The following PRKG1 variants were observed in gnomAD, a reference collection of about 807,000 sequenced individuals.
PRKG1 encodes cGMP-dependent protein kinase 1.
PRKG1 carries 35 observed loss-of-function variants against 88.1 expected under a neutral mutation model. The ratio of observed to expected loss-of-function variants is 0.40; its 90% CI spans 0.30 to 0.53. The LOEUF is 0.53. Ranked by LOEUF, PRKG1 falls within the 20% of genes least tolerant of loss-of-function variation. The pLI, the probability that PRKG1 is intolerant of heterozygous loss-of-function variation, is 0.59. For synonymous variants in PRKG1, 303 were observed against 292.5 expected, an observed-to-expected ratio of 1.04 and a Z score of -0.37; for missense variants, 540 against 839.8, an observed-to-expected ratio of 0.64 and a Z score of 4.41.
intron 2 of PRKG1, among the ~76,000 whole-genome samples, chr10:51,258,691 G>T (rs1175013014): frequency 6.6e-6 from 1 of 152,274 alleles, no homozygotes; most frequent in Non-Finnish European, 1.5e-5. Context: ...ATTTTGTTTG[G>T]TCATCAGAGC....
At position 51,370,495 on chromosome 10, in the gene PRKG1, A is replaced by AGT. The variant is rs1301923110; in HGVS notation, c.479-97213_479-97212dup. ...GAGAAAGAGACAGAAAGAGAGAGAG[A>AGT]GTGTGTGTGTGTGTGTATGTGTGTG... On this transcript the variant is annotated intron_variant, in intron 2 of 17. Transcript: ENST00000373980. 6.5e-3 allele frequency among the ~76,000 whole-genome samples: 831 copies of AGT among 128,668 alleles called. 7 individuals carry two copies. The highest frequency in any genetic ancestry group is 0.021 in the African/African-American group (744 of 34,616). 84.4% of individuals were successfully genotyped at this position (128,668 alleles called of 152,430 possible).
At chr10:51,288,755 CT>C (rs1840507660) in intron 2 of PRKG1, among the ~76,000 whole-genome samples, 1 of 152,202 alleles carries the variant, frequency 6.6e-6, no homozygotes, top group African/African-American at 2.4e-5. Context: ...AGCAGCAGTA[CT>C]TTCTGAAAGA....
chr10:51,587,211 C>T lies in PRKG1; in HGVS notation c.592+119375C>T, dbSNP rs552598010. 2.4e-3 allele frequency among the ~76,000 whole-genome samples: 363 copies of T among 152,150 alleles called. 3 individuals are homozygous for T. The highest frequency in any genetic ancestry group is 8.5e-3 in the African/African-American group (353 of 41,538). ...CACTTCTAAATACTCATAGAGAGAC[C>T]ATCTTTCTTTCCAGAGAAAATAACA... On this transcript the variant is annotated intron_variant, in intron 3 of 17. Coordinates refer to ENST00000373980, the MANE Select transcript of PRKG1 (RefSeq NM_006258.4).
At chr10:51,154,131 G>A (rs1332362084) in intron 2 of PRKG1, among the ~76,000 whole-genome samples, 2 of 152,012 alleles carry the variant, frequency 1.3e-5, no homozygotes, top group Non-Finnish European at 2.9e-5. Flanking sequence ...TTGTGTGATA[G>A]TGTCCTATAA....
intron 3 of PRKG1, among the ~76,000 whole-genome samples, chr10:51,711,293 G>A (rs1841743754): frequency 6.6e-6 from 1 of 151,758 alleles, no homozygotes; most frequent in Non-Finnish European, 1.5e-5. Context: ...TTTTAATAGA[G>A]ACAGGGTTCA....
intron 1 of PRKG1, among the ~76,000 whole-genome samples, chr10:51,147,028 T>C (rs1845961468): frequency 1.3e-5 from 2 of 152,118 alleles, no homozygotes; most frequent in South Asian, 4.1e-4. Flanking sequence ...TTGTGTTAAG[T>C]GAAATCGGTC....
intron 5 of PRKG1, among the ~76,000 whole-genome samples, chr10:52,027,042 G>T (rs1464848243): frequency 6.6e-6 from 1 of 152,188 alleles, no homozygotes; most frequent in African/African-American, 2.4e-5. Flanking sequence ...AAATTGTTTT[G>T]TGACTGTGTC....
intron 1 of PRKG1, among the ~76,000 whole-genome samples, chr10:51,133,043 A>G (rs1306546328): frequency 2.6e-5 from 4 of 152,116 alleles, no homozygotes; most frequent in African/African-American, 9.7e-5. Context: ...TGAGCCTTAC[A>G]ATGAAATCTG....
At chr10:51,933,516 C>CT (rs1185590488) in intron 5 of PRKG1, among the ~76,000 whole-genome samples, 1 of 152,062 alleles carries the variant, frequency 6.6e-6, no homozygotes, top group Non-Finnish European at 1.5e-5. Context: ...ATCAATTCAA[C>CT]TACACCAAGG....
At chr10:51,575,933 G>C (rs1172371140) in intron 3 of PRKG1, among the ~76,000 whole-genome samples, 1 of 151,724 alleles carries the variant, frequency 6.6e-6, no homozygotes, top group Non-Finnish European at 1.5e-5. Flanking sequence ...TTTAAAGATA[G>C]ATTATATACA....
chr10:51,545,607 C>T (rs777441145), intron 3 of PRKG1, among the ~76,000 whole-genome samples: 6 of 152,146 alleles, frequency 3.9e-5, no homozygotes, highest in South Asian at 4.2e-4. Flanking sequence ...TCGTTTGAAT[C>T]CTTTTATTAT....
rs748846035 is a variant in PRKG1 at position 51,698,645 on chromosome 10, C to G, written c.593-105940C>G. The G allele has an allele frequency of 5.6e-6, 9 of 1,614,124 alleles. No homozygotes were observed. In the East Asian group the frequency reaches 2.0e-4, roughly 36 times the overall value. On this transcript the variant is annotated intron_variant, in intron 3 of 17. Coordinates refer to ENST00000373980, the MANE Select transcript of PRKG1 (RefSeq NM_006258.4). ...AGGATCTGACATCTGCACTTGTCCC[C>G]GCTCTAAAGGCACTGGGCCAACCCC... is the stretch of plus-strand genomic sequence containing the variant.
chr10:51,441,144 G>A (rs1839092731), intron 2 of PRKG1, among the ~76,000 whole-genome samples: 1 of 151,764 alleles, frequency 6.6e-6, no homozygotes, highest in Non-Finnish European at 1.5e-5. Flanking sequence ...TTTGGTGTTG[G>A]ATGGTGACCA....
chr10:52,070,594 A>G (rs909463635), intron 7 of PRKG1, among the ~76,000 whole-genome samples: 4 of 151,694 alleles, frequency 2.6e-5, no homozygotes, highest in Admixed American at 1.3e-4. Flanking sequence ...CTTTTCTCTC[A>G]TTTTGTAACT....
intron 3 of PRKG1, among the ~76,000 whole-genome samples, chr10:51,734,411 T>C (rs561302759): frequency 6.6e-6 from 1 of 152,328 alleles, no homozygotes; most frequent in African/African-American, 2.4e-5. Context: ...GATATTGTTA[T>C]TTTATTTTAT....
chr10:51,537,752 C>T (rs1246755383), intron 3 of PRKG1, among the ~76,000 whole-genome samples: 2 of 135,688 alleles, frequency 1.5e-5, no homozygotes, highest in African/African-American at 5.3e-5. Flanking sequence ...AAAAAAATTA[C>T]TCGGGGAGCT....
intron 3 of PRKG1, among the ~76,000 whole-genome samples, chr10:51,688,147 G>A (rs961920532): frequency 2.6e-5 from 4 of 152,014 alleles, no homozygotes; most frequent in Admixed American, 1.3e-4. Context: ...TCACTTTCTT[G>A]TAGGATTAAA....
At chr10:51,938,454 C>G (rs1465710342) in intron 5 of PRKG1, among the ~76,000 whole-genome samples, 1 of 151,886 alleles carries the variant, frequency 6.6e-6, no homozygotes, top group East Asian at 1.9e-4. Context: ...GAATCTGAAC[C>G]TAAATGTGGT....
At chr10:51,463,197 TG>T (rs1450667748) in intron 2 of PRKG1, among the ~76,000 whole-genome samples, 10 of 151,984 alleles carry the variant, frequency 6.6e-5, no homozygotes, top group Admixed American at 1.3e-4. Flanking sequence ...GAATGTCTTC[TG>T]TTTTTTTTTA....
Sources: allele counts gnomAD v4.1 joint callset (sites outside exome capture counted in the v4.1 genomes callset), GRCh38; gene constraint gnomAD v4.1.1; transcripts MANE v1.5; gene names NCBI Gene and HGNC (gene_info 2026-07-23, HGNC 2026-07-21).